The following GALNT14 variants were observed in gnomAD, a reference collection of about 807,000 sequenced individuals.
The protein encoded by GALNT14 is polypeptide N-acetylgalactosaminyltransferase 14.
GALNT14 carries 60 observed loss-of-function variants against 77.5 expected under a neutral mutation model. The observed-to-expected ratio is 0.77, with a 90% CI of 0.63 to 0.96. GALNT14 has a LOEUF of 0.96. Ranked by LOEUF, GALNT14 falls within the 40% of genes least tolerant of loss-of-function variation. The pLI, the probability that GALNT14 is intolerant of heterozygous loss-of-function variation, is 0.00. For synonymous variants in GALNT14, 280 were observed against 281.7 expected, an observed-to-expected ratio of 0.99 and a Z score of 0.06; for missense variants, 710 against 731.0, an observed-to-expected ratio of 0.97 and a Z score of 0.33.
intron 1 of GALNT14, among the ~76,000 whole-genome samples, chr2:31,010,916 T>C (rs549077645): frequency 2.0e-5 from 3 of 152,198 alleles, no homozygotes; most frequent in Non-Finnish European, 4.4e-5. Flanking sequence ...ACCAGAACCA[T>C]TTTGCCTACA....
intron 1 of GALNT14, among the ~76,000 whole-genome samples, chr2:31,076,096 T>G (rs546426776): frequency 1.2e-4 from 19 of 152,170 alleles, no homozygotes; most frequent in Non-Finnish European, 2.4e-4. Context: ...CCACTGTGTA[T>G]AGATAACAGC....
chr2:31,046,005 T>C (rs952028251), intron 1 of GALNT14, among the ~76,000 whole-genome samples: 3 of 152,050 alleles, frequency 2.0e-5, no homozygotes, highest in African/African-American at 4.8e-5. Flanking sequence ...ACAACAACAA[T>C]AATAATATTA....
intron 1 of GALNT14, among the ~76,000 whole-genome samples, chr2:31,075,436 G>T (rs1573307169): frequency 6.6e-6 from 1 of 152,210 alleles, no homozygotes; most frequent in East Asian, 1.9e-4. Flanking sequence ...GCTCCTAAAA[G>T]GTTTGTTGAT....
intron 3 of GALNT14, among the ~76,000 whole-genome samples, chr2:30,964,920 A>C (rs1477786108): frequency 1.3e-5 from 2 of 152,194 alleles, no homozygotes; most frequent in African/African-American, 4.8e-5. Flanking sequence ...TGTAGCCTGC[A>C]TGATGGAAAC....
chr2:30,970,159 A>C (rs1192840150), intron 2 of GALNT14, among the ~76,000 whole-genome samples: 1 of 152,176 alleles, frequency 6.6e-6, no homozygotes, highest in African/African-American at 2.4e-5. Flanking sequence ...CAGATCTCAC[A>C]GGGGCTGGAA....
At chr2:30,904,493 CT>C in the GALNT14 span, among the ~76,000 whole-genome samples, 1 of 152,226 alleles carries the variant, frequency 6.6e-6, no homozygotes, top group African/African-American at 2.4e-5. Flanking sequence ...GAATACTGCG[CT>C]TTTCCGACGG....
intron 1 of GALNT14, among the ~76,000 whole-genome samples, chr2:31,041,815 A>G (rs1324182197): frequency 6.6e-6 from 1 of 152,200 alleles, no homozygotes; most frequent in African/African-American, 2.4e-5. Context: ...CACCTGAACT[A>G]TAATAGAGGC....
At chr2:31,110,745 G>T (rs1677793294) in intron 1 of GALNT14, among the ~76,000 whole-genome samples, 1 of 152,142 alleles carries the variant, frequency 6.6e-6, no homozygotes, top group African/African-American at 2.4e-5. Context: ...CTAAAACTGG[G>T]GGGAATTAAT....
intron 3 of GALNT14, among the ~76,000 whole-genome samples, chr2:30,965,174 CAAG>C (rs1051344575): frequency 6.6e-6 from 1 of 152,004 alleles, no homozygotes; most frequent in African/African-American, 2.4e-5. Flanking sequence ...CTCAGGCTGA[CAAG>C]AAGGAGGACT....
At chr2:30,965,238 G>A (rs1250781754) in intron 3 of GALNT14, among the ~76,000 whole-genome samples, 1 of 152,152 alleles carries the variant, frequency 6.6e-6, no homozygotes, top group Non-Finnish European at 1.5e-5. Flanking sequence ...CACTGGCTAG[G>A]CGACACTGGA....
At position 31,014,895 on chromosome 2, in the gene GALNT14, G is replaced by A. The variant is rs535650297; in HGVS notation, c.130-21888C>T. On this transcript the variant is annotated intron_variant, in intron 1 of 14. Coordinates refer to ENST00000349752, the MANE Select transcript of GALNT14 (RefSeq NM_024572.4). Reference sequence around the variant, plus strand: ...GAAGAGGAAGGAGAAGGAAACATGAGACAGAAGTGTAAATTAGCAGGTGAG... The same window carrying A: ...GAAGAGGAAGGAGAAGGAAACATGAAACAGAAGTGTAAATTAGCAGGTGAG... Among the ~76,000 whole-genome samples, 4 of 152,300 alleles carry A rather than the reference G, an allele frequency of 2.6e-5. No individual in the cohort carries two copies. In the South Asian group the frequency reaches 6.2e-4, roughly 24 times the overall value.
At chr2:30,986,609 G>GT (rs1194335575) in intron 2 of GALNT14, among the ~76,000 whole-genome samples, 2 of 152,140 alleles carry the variant, frequency 1.3e-5, no homozygotes, top group African/African-American at 4.8e-5. Flanking sequence ...TGTAATTGTG[G>GT]TTTTTTCCAC....
intron 11 of GALNT14, among the ~76,000 whole-genome samples, chr2:30,926,450 G>A (rs955767708): frequency 6.6e-6 from 1 of 152,210 alleles, no homozygotes; most frequent in Non-Finnish European, 1.5e-5. Context: ...AGGTACCAGG[G>A]AGACATCCTG....
intron 1 of GALNT14, among the ~76,000 whole-genome samples, chr2:31,008,930 C>A (rs992750460): frequency 1.3e-5 from 2 of 152,144 alleles, no homozygotes; most frequent in Admixed American, 6.5e-5. Context: ...GCCAGACAAG[C>A]ATGAGAAATG....
At chr2:31,083,451 C>T (rs1676256175) in intron 1 of GALNT14, among the ~76,000 whole-genome samples, 1 of 152,180 alleles carries the variant, frequency 6.6e-6, no homozygotes, top group Non-Finnish European at 1.5e-5. Flanking sequence ...TCCTCCCATT[C>T]GTTCCAGTTA....
intron 1 of GALNT14, among the ~76,000 whole-genome samples, chr2:31,106,813 T>C (rs1438097058): frequency 6.6e-6 from 1 of 152,208 alleles, no homozygotes; most frequent in African/African-American, 2.4e-5. Flanking sequence ...TGATCCTACT[T>C]TCTTTTTTAT....
chr2:30,964,483 T>C (rs1389787576), intron 3 of GALNT14, among the ~76,000 whole-genome samples: 2 of 152,228 alleles, frequency 1.3e-5, no homozygotes, highest in Non-Finnish European at 2.9e-5. Flanking sequence ...TTTGTTATCG[T>C]TAATCTACCC....
intron 1 of GALNT14, among the ~76,000 whole-genome samples, chr2:31,080,799 A>T (rs1490220170): frequency 6.6e-6 from 1 of 152,230 alleles, no homozygotes; most frequent in East Asian, 1.9e-4. Context: ...AACTATGTGA[A>T]TAGGGGAAAT....
chr2:30,925,249 T>C (rs1665300059), intron 11 of GALNT14, among the ~76,000 whole-genome samples: 1 of 152,262 alleles, frequency 6.6e-6, no homozygotes, highest in South Asian at 2.1e-4. Context: ...AATCCTTTTA[T>C]TTGGCTGTTT....
Sources: gnomAD v4.1 joint callset for allele counts (sites outside exome capture counted in the v4.1 genomes callset) on GRCh38, gnomAD v4.1.1 for gene constraint, MANE v1.5 for transcripts, NCBI Gene and HGNC (gene_info 2026-07-23, HGNC 2026-07-21) for gene names.